PIEZO2: variants seen among roughly 807,000 people sequenced by gnomAD.
The protein encoded by PIEZO2 is piezo-type mechanosensitive ion channel component 2.
A neutral mutation model predicts 337.3 loss-of-function variants in PIEZO2; 172 were observed. The observed-to-expected ratio is 0.51, with a 90% CI of 0.45 to 0.58. PIEZO2 has a LOEUF of 0.58. Ranked by LOEUF, PIEZO2 falls within the 20% of genes least tolerant of loss-of-function variation. The pLI, the probability that PIEZO2 is intolerant of heterozygous loss-of-function variation, is 0.00. For synonymous variants in PIEZO2, 1,251 were observed against 1,228.5 expected (o/e 1.02, Z -0.38); for missense variants, 3,028 against 3,391.3 (o/e 0.89, Z 2.66).
chr18:10,726,247 G>T lies in PIEZO2; in HGVS notation c.5029+5160C>A. The stretch of plus-strand genomic sequence containing the variant: ...GCTGCCTGGGGCTGGAAGAGCTTGT[G>T]TGCGAGCCTGTGTTCGGGAGCATGA... On this transcript the variant is annotated intron_variant, in intron 36 of 55. Transcript: ENST00000674853. This position sits in a 1 kb window ranked among gnomAD's most constrained non-coding sequence, Gnocchi z 5.9. 1.3e-6 allele frequency: 1 copy of T among 751,874 alleles called. No individual in the cohort carries two copies. Among genetic ancestry groups the T allele is most frequent in the Non-Finnish European group, 2.3e-6 (1 of 434,264 alleles). 46.6% of individuals were successfully genotyped at this position (751,874 alleles called of 1,614,324 possible). A position where few individuals can be genotyped will look rare whatever the true frequency, so the allele number is the denominator to read the frequency against.
intron 3 of PIEZO2, among the ~76,000 whole-genome samples, chr18:10,939,052 A>G (rs1273682405): frequency 6.7e-6 from 1 of 148,812 alleles, no homozygotes; most frequent in Admixed American, 6.8e-5. Context: ...CATGTCACTG[A>G]CTCTGTCTCA....
rs375883804 is a variant in PIEZO2 at position 11,106,126 on chromosome 18, C to T, written c.65-39904G>A. Among the ~76,000 whole-genome samples, 349 of 152,098 alleles carry T rather than the reference C, an allele frequency of 2.3e-3. 1 individual carries two copies. Among genetic ancestry groups the T allele is most frequent in the African/African-American group, 8.1e-3 (336 of 41,500 alleles). ...TTTTTGAGACGGCATCTGGCTCTGT[C>T]GCCCAGGCTGGAGTGCAGTGGTGCA... is the stretch of plus-strand genomic sequence containing the variant. On this transcript the variant is annotated intron_variant, in intron 1 of 55. Transcript: ENST00000674853.
chr18:10,751,603 G>A (rs113177904), intron 28 of PIEZO2, among the ~76,000 whole-genome samples: 1 of 151,900 alleles, frequency 6.6e-6, no homozygotes, highest in South Asian at 2.1e-4. Context: ...AGTGATACAC[G>A]TGCCCCCCCG....
Position 11,077,734 on chromosome 18 carries a change from T to G in PIEZO2, c.65-11512A>C, listed in dbSNP as rs1318404870. 6.6e-6 allele frequency among the ~76,000 whole-genome samples: 1 copy of G among 152,166 alleles called. No individual in the cohort carries two copies. The highest frequency in any genetic ancestry group is 1.5e-5 in the Non-Finnish European group (1 of 68,028). ...CCATTTTCATTAATATCAGTACTTT[T>G]AAACTTTGAACCACTGACCTTGGTA... On this transcript the variant is annotated intron_variant, in intron 1 of 55. Coordinates refer to ENST00000674853, the MANE Select transcript of PIEZO2 (RefSeq NM_001378183.1). The surrounding 1 kb of genome is among the most constrained non-coding windows in gnomAD (Gnocchi z 4.8).
intron 3 of PIEZO2, among the ~76,000 whole-genome samples, chr18:10,950,286 A>C (rs2033234964): frequency 6.6e-6 from 1 of 152,216 alleles, no homozygotes; most frequent in African/African-American, 2.4e-5. Context: ...ATCACTTAAA[A>C]ACTTGAGTGT....
rs542781759 is a variant in PIEZO2, at chr18:11,094,578, G to A, written c.65-28356C>T. Among the ~76,000 whole-genome samples, 2 of 152,218 alleles carry A rather than the reference G, an allele frequency of 1.3e-5. No homozygotes were observed. Among genetic ancestry groups the A allele is most frequent in the East Asian group, 3.9e-4 (2 of 5,172 alleles). On this transcript the variant is annotated intron_variant, in intron 1 of 55. Coordinates refer to ENST00000674853, the MANE Select transcript of PIEZO2 (RefSeq NM_001378183.1). This position sits in a 1 kb window ranked among gnomAD's most constrained non-coding sequence, Gnocchi z 4.4. ...ATAAGTGCAGGCACTCAGAAGCCTC[G>A]CTGTCCCCTCTCTGAAGACAGATGG...
Position 10,746,598 on chromosome 18 carries a change from A to G in PIEZO2, c.4424+1873T>C, listed in dbSNP as rs1427753673. 6.6e-6 allele frequency among the ~76,000 whole-genome samples: 1 copy of G among 152,118 alleles called. No homozygotes were observed. The highest frequency in any genetic ancestry group is 1.5e-5 in the Non-Finnish European group (1 of 68,032). ...AATGTCTGCATCCCCTACAATTCACATGTGGAAATCCTGACTCCCAAGGTG... is the reference window on the plus strand; with the variant it reads ...AATGTCTGCATCCCCTACAATTCACGTGTGGAAATCCTGACTCCCAAGGTG... On this transcript the variant is annotated intron_variant, in intron 30 of 55. Coordinates refer to ENST00000674853, the MANE Select transcript of PIEZO2 (RefSeq NM_001378183.1). The surrounding 1 kb of genome is among the most constrained non-coding windows in gnomAD (Gnocchi z 4.2).
Position 10,821,888 on chromosome 18 carries a change from T to C in PIEZO2, c.918-14614A>G, listed in dbSNP as rs987716013. Among the ~76,000 whole-genome samples, 5 of 152,238 alleles carry C rather than the reference T, an allele frequency of 3.3e-5. No individual in the cohort carries two copies. The highest frequency in any genetic ancestry group is 5.9e-5 in the Non-Finnish European group (4 of 68,046). On this transcript the variant is annotated intron_variant, in intron 7 of 55. Transcript: ENST00000674853. This position sits in a 1 kb window ranked among gnomAD's most constrained non-coding sequence, Gnocchi z 4.2. ...TTTATATTGTTTGTAAATTTAAACGTGATTAGAGTCATTGATTACAAATGC... is the reference window on the plus strand; with the variant it reads ...TTTATATTGTTTGTAAATTTAAACGCGATTAGAGTCATTGATTACAAATGC...
chr18:11,130,986 G>C (rs890067260), intron 1 of PIEZO2, among the ~76,000 whole-genome samples: 1 of 152,208 alleles, frequency 6.6e-6, no homozygotes, highest in Non-Finnish European at 1.5e-5. Context: ...GGTGTCAGTG[G>C]CAGATAGGGA....
At position 11,037,699 on chromosome 18, in the gene PIEZO2, A is replaced by G. The variant is rs547552148; in HGVS notation, c.160+28428T>C. 4.6e-5 allele frequency among the ~76,000 whole-genome samples: 7 copies of G among 152,322 alleles called. No homozygotes were observed. In the South Asian group the frequency reaches 1.2e-3, roughly 27 times the overall value. ...CTTTCCAGAAGACCACTTTGCTGTT[A>G]AACACATATGAAATGACAGGCCTGT... On this transcript the variant is annotated intron_variant, in intron 2 of 55. Transcript: ENST00000674853.
chr18:10,924,671 G>A lies in PIEZO2; in HGVS notation c.287-13443C>T, dbSNP rs1453082610. On this transcript the variant is annotated intron_variant, in intron 3 of 55. Transcript: ENST00000674853. ...ATTTCTCTTTTGAGAGAAATAAGAA[G>A]AAAATAGGGTAATTTCATTTTTCTT... Among the ~76,000 whole-genome samples the A allele has an allele frequency of 2.6e-5, 4 of 152,100 alleles. No homozygotes were observed. The East Asian group carries it at 5.8e-4, about 22-fold the overall frequency.
chr18:10,763,010 G>A lies in PIEZO2; in HGVS notation c.3035C>T (p.Thr1012Ile), dbSNP rs1323885459. 17 of 1,537,160 alleles carry A rather than the reference G, an allele frequency of 1.1e-5. No homozygotes were observed. The highest frequency in any genetic ancestry group is 5.5e-5 in the African/African-American group (4 of 73,052). The change falls in exon 22 of 56, where the codon ACA (threonine) becomes ATA (isoleucine). Residue 1012 changes from threonine (T) to isoleucine (I), a missense_variant. Transcript: ENST00000674853. ...GACGATGATCACACACGTCCAGACT[G>A]TGCAGACACTTGAAGCCAGACGGCG... Reference protein sequence around the residue: ...KLRRLASSVCTVWTCVIIVCK... With the variant: ...KLRRLASSVCIVWTCVIIVCK...
At chr18:10,739,825 T>A (rs1252161570) in intron 33 of PIEZO2, 1 of 152,006 alleles carries the variant, frequency 6.6e-6, no homozygotes. Flanking sequence ...TTTGATTACA[T>A]CCAGATATAC....
chr18:11,036,190 A>G (rs1162539415), intron 2 of PIEZO2, among the ~76,000 whole-genome samples: 3 of 152,228 alleles, frequency 2.0e-5, no homozygotes, highest in Admixed American at 6.5e-5. Context: ...TAAGGTAAGC[A>G]GGAAAATAGC....
At chr18:10,744,880 C>G (rs1007531902) in intron 30 of PIEZO2, among the ~76,000 whole-genome samples, 16 of 152,340 alleles carry the variant, frequency 1.1e-4, no homozygotes, top group African/African-American at 3.8e-4. Flanking sequence ...AGGAACCTGA[C>G]AGTGTGCCCG....
At chr18:10,827,164 A>T (rs1215269523) in intron 7 of PIEZO2, among the ~76,000 whole-genome samples, 1 of 152,230 alleles carries the variant, frequency 6.6e-6, no homozygotes, top group African/African-American at 2.4e-5. Context: ...ACTGAATTAC[A>T]GATACGAACA....
At chr18:11,095,419 G>A (rs948911743) in intron 1 of PIEZO2, among the ~76,000 whole-genome samples, 1 of 152,262 alleles carries the variant, frequency 6.6e-6, no homozygotes, top group African/African-American at 2.4e-5. Flanking sequence ...GCACTACACT[G>A]GCACAGCTTT....
chr18:10,871,474 A>G (rs927418076), intron 4 of PIEZO2, 59 bp from the exon 5 acceptor site: 13 of 1,447,370 alleles, frequency 9.0e-6, no homozygotes, highest in African/African-American at 4.3e-5. Flanking sequence ...TCTACGGTTA[A>G]ACTGCCTTAT....
chr18:10,674,981 G>A (rs979270428), intron 54 of PIEZO2, among the ~76,000 whole-genome samples: 4 of 152,160 alleles, frequency 2.6e-5, no homozygotes, highest in South Asian at 2.1e-4. Context: ...GCGAATATAC[G>A]TCAATCAAGT....
Sources: allele counts gnomAD v4.1 joint callset (sites outside exome capture counted in the v4.1 genomes callset), GRCh38; gene constraint gnomAD v4.1.1; non-coding constraint Gnocchi (gnomAD v3.1); transcripts MANE v1.5; gene names NCBI Gene and HGNC (gene_info 2026-07-23, HGNC 2026-07-21).